The following ELMO1 variants were observed in gnomAD, a reference collection of about 807,000 sequenced individuals.
ELMO1 encodes engulfment and cell motility protein 1.
A neutral mutation model predicts 98.9 loss-of-function variants in ELMO1; 26 were observed. The observed-to-expected ratio is 0.26, with a 90% CI of 0.19 to 0.36. ELMO1 has a LOEUF of 0.36. Ranked by LOEUF, ELMO1 falls within the 10% of genes least tolerant of loss-of-function variation. The pLI is 1.00. For missense variants in ELMO1, 627 were observed against 935.2 expected (o/e 0.67, Z 4.30); for synonymous variants, 346 against 346.0 (o/e 1.00, Z 0.00).
chr7:37,421,073 G>A (rs1804451973), intron 1 of ELMO1, among the ~76,000 whole-genome samples: 1 of 152,210 alleles, frequency 6.6e-6, no homozygotes, highest in African/African-American at 2.4e-5. Flanking sequence ...CACACTCTGA[G>A]CAGTACAGAC....
chr7:36,863,533 G>A (rs993091986), intron 20 of ELMO1, among the ~76,000 whole-genome samples: 1 of 152,124 alleles, frequency 6.6e-6, no homozygotes, highest in African/African-American at 2.4e-5. Flanking sequence ...GAAAGCAAAA[G>A]CCAAATATTA....
At chr7:37,001,691 T>G (rs1792680914) in intron 16 of ELMO1, among the ~76,000 whole-genome samples, 1 of 152,050 alleles carries the variant, frequency 6.6e-6, no homozygotes, top group East Asian at 1.9e-4. Flanking sequence ...AACAGGTAAA[T>G]GGGGGAAGAC....
intron 15 of ELMO1, among the ~76,000 whole-genome samples, chr7:37,058,849 G>T (rs1382526503): frequency 6.6e-6 from 1 of 152,170 alleles, no homozygotes; most frequent in African/African-American, 2.4e-5. Context: ...TTAGCAGTGT[G>T]ATATCATCCA....
At chr7:37,197,533 A>G (rs1792039406) in intron 13 of ELMO1, among the ~76,000 whole-genome samples, 1 of 152,252 alleles carries the variant, frequency 6.6e-6, no homozygotes, top group African/African-American at 2.4e-5. Flanking sequence ...CACCACTTGA[A>G]AAAATGGAAA....
intron 1 of ELMO1, among the ~76,000 whole-genome samples, chr7:37,401,830 A>C (rs1287833112): frequency 6.6e-6 from 1 of 152,226 alleles, no homozygotes; most frequent in South Asian, 2.1e-4. Context: ...CAGTCAAGCC[A>C]TATGAGAGAG....
chr7:36,907,949 G>A (rs186185552), intron 16 of ELMO1, among the ~76,000 whole-genome samples: 102 of 152,300 alleles, frequency 6.7e-4, no homozygotes, highest in Non-Finnish European at 1.2e-3. Flanking sequence ...CACACAGGAC[G>A]GGTCAATAAC....
chr7:37,316,262 T>C (rs926676448), intron 2 of ELMO1, among the ~76,000 whole-genome samples: 3 of 152,160 alleles, frequency 2.0e-5, no homozygotes, highest in African/African-American at 2.4e-5. Flanking sequence ...ATAACTTTGT[T>C]CAAAGATCTC....
chr7:37,076,849 A>G (rs1797609016), intron 15 of ELMO1, among the ~76,000 whole-genome samples: 3 of 152,202 alleles, frequency 2.0e-5, no homozygotes, highest in Non-Finnish European at 4.4e-5. Flanking sequence ...CTCCATCAGG[A>G]TGATAGTGAC....
chr7:37,023,569 G>C (rs573379185), intron 15 of ELMO1, among the ~76,000 whole-genome samples: 1 of 152,190 alleles, frequency 6.6e-6, no homozygotes, highest in South Asian at 2.1e-4. Flanking sequence ...CTAAACTTTA[G>C]TTTAATTTCA....
At chr7:37,188,498 A>T (rs200769070) in intron 13 of ELMO1, among the ~76,000 whole-genome samples, 3,371 of 42,456 alleles carry the variant, frequency 0.079, 168 homozygotes, top group Non-Finnish European at 0.092. Context: ...AAAAAAAAAA[A>T]AAAAATAATA....
At chr7:37,278,533 A>G (rs1401146514) in intron 4 of ELMO1, among the ~76,000 whole-genome samples, 1 of 132,132 alleles carries the variant, frequency 7.6e-6, no homozygotes, top group Non-Finnish European at 1.8e-5. Context: ...AAACACTAAC[A>G]ATAAAACAGA....
chr7:36,944,475 C>G (rs565273053), intron 16 of ELMO1, among the ~76,000 whole-genome samples: 1 of 152,316 alleles, frequency 6.6e-6, no homozygotes, highest in South Asian at 2.1e-4. Context: ...ACTCCTGGGA[C>G]CTCCCGTATA....
At chr7:37,112,743 A>G (rs1184380599) in intron 14 of ELMO1, among the ~76,000 whole-genome samples, 1 of 152,206 alleles carries the variant, frequency 6.6e-6, no homozygotes, top group African/African-American at 2.4e-5. Flanking sequence ...TTACCAGTGC[A>G]GGGAAAAAGT....
intron 1 of ELMO1, among the ~76,000 whole-genome samples, chr7:37,366,238 T>A (rs75110935): frequency 0.062 from 9,412 of 152,034 alleles, 393 homozygotes; most frequent in Non-Finnish European, 0.088. Flanking sequence ...CAAAAGAATA[T>A]CCAGCATTTT....
chr7:37,267,026 AATATG>A lies in ELMO1; in HGVS notation c.243+4801_243+4805del, dbSNP rs1362771850. 7.8e-4 allele frequency among the ~76,000 whole-genome samples: 82 copies of A among 104,636 alleles called. 8 individuals carry two copies. Among genetic ancestry groups the A allele is most frequent in the African/African-American group, 3.0e-3 (75 of 24,996 alleles). The allele number at this position is 104,636 out of a possible 152,430, so 68.6% of individuals were successfully genotyped here. A position where few individuals can be genotyped will look rare whatever the true frequency, so the allele number is the denominator to read the frequency against. On this transcript the variant is annotated intron_variant, in intron 5 of 21. Coordinates refer to ENST00000310758, the MANE Select transcript of ELMO1 (RefSeq NM_014800.11). ...AGACTCCATCTAAAAAAAAAAAAAA[AATATG>A]TATATATACACACACACACACACAC... is the stretch of plus-strand genomic sequence containing the variant.
Position 36,958,315 on chromosome 7 carries a change from T to C in ELMO1, c.1437+54984A>G, listed in dbSNP as rs115385447. 5.6e-3 allele frequency among the ~76,000 whole-genome samples: 858 copies of C among 152,288 alleles called. 14 individuals are homozygous for C. Among genetic ancestry groups the C allele is most frequent in the African/African-American group, 0.02 (816 of 41,552 alleles). On this transcript the variant is annotated intron_variant, in intron 16 of 21. Coordinates refer to ENST00000310758, the MANE Select transcript of ELMO1 (RefSeq NM_014800.11). Reference sequence around the variant, plus strand: ...CAGGCTGGAGAAAAGCATACAATGGTGCTGTCTGGTCTCATTTAAATTTAT... The same window carrying C: ...CAGGCTGGAGAAAAGCATACAATGGCGCTGTCTGGTCTCATTTAAATTTAT...
chr7:37,123,725 C>T (rs1354627245), intron 14 of ELMO1, among the ~76,000 whole-genome samples: 1 of 152,200 alleles, frequency 6.6e-6, no homozygotes, highest in Non-Finnish European at 1.5e-5. Context: ...GGAGCTGGTA[C>T]CATTCCTTCT....
At chr7:37,394,496 A>G (rs1380435898) in intron 1 of ELMO1, among the ~76,000 whole-genome samples, 1 of 152,216 alleles carries the variant, frequency 6.6e-6, no homozygotes. Flanking sequence ...TCATGAAGAC[A>G]TTCTTACAAC....
intron 17 of ELMO1, among the ~76,000 whole-genome samples, chr7:36,888,470 T>G (rs564764912): frequency 6.6e-6 from 1 of 152,168 alleles, no homozygotes; most frequent in Non-Finnish European, 1.5e-5. Context: ...CCATTCCTCA[T>G]AGCAGTGTAA....
Sources: allele counts gnomAD v4.1 joint callset (sites outside exome capture counted in the v4.1 genomes callset), GRCh38; gene constraint gnomAD v4.1.1; transcripts MANE v1.5; gene names NCBI Gene and HGNC (gene_info 2026-07-23, HGNC 2026-07-21).